FSHR: variants seen among roughly 807,000 people sequenced by gnomAD.
FSHR encodes follicle-stimulating hormone receptor.
In FSHR, 46 loss-of-function variants were observed where a neutral mutation model predicts 52.1. That is an observed-to-expected ratio of 0.88 (90% CI 0.70 to 1.13). The LOEUF is 1.13. Ranked by LOEUF, FSHR falls within the 50% of genes most tolerant of loss-of-function variation. The pLI, the probability that FSHR is intolerant of heterozygous loss-of-function variation, is 0.00. For synonymous variants in FSHR, 399 were observed against 309.6 expected (o/e 1.29, Z -3.03); for missense variants, 964 against 834.6 (o/e 1.16, Z -1.91).
At position 48,988,961 on chromosome 2, in the gene FSHR, T is replaced by C. The variant is rs914195451; in HGVS notation, c.524+16A>G. The C allele has an allele frequency of 5.0e-6, 8 of 1,606,112 alleles. No individual in the cohort carries two copies. Among genetic ancestry groups the C allele is most frequent in the Non-Finnish European group, 5.1e-6 (6 of 1,172,848 alleles). On this transcript the variant is annotated intron_variant, in intron 6 of 9. Transcript: ENST00000406846. Reference sequence around the variant, plus strand: ...AATCAAATGTTACTCTGTTGGATTTTTTCCCCCTTACTTACAGAATCACAC... The same window carrying C: ...AATCAAATGTTACTCTGTTGGATTTCTTCCCCCTTACTTACAGAATCACAC...
intron 5 of FSHR, among the ~76,000 whole-genome samples, chr2:48,990,288 C>A (rs991958764): frequency 6.6e-6 from 1 of 151,998 alleles, no homozygotes; most frequent in Non-Finnish European, 1.5e-5. Flanking sequence ...GTAATTAAAG[C>A]GCTAAATAGT....
chr2:48,975,981 T>C (rs1306708028), intron 8 of FSHR, among the ~76,000 whole-genome samples: 2 of 152,230 alleles, frequency 1.3e-5, no homozygotes, highest in Admixed American at 1.3e-4. Context: ...TTTTATTTCT[T>C]TCTCTTGCCT....
chr2:49,016,434 C>G (rs901111082), intron 4 of FSHR, among the ~76,000 whole-genome samples: 7 of 152,104 alleles, frequency 4.6e-5, no homozygotes, highest in African/African-American at 1.7e-4. Context: ...CCTTAAGATG[C>G]TTGCAGTCTT....
intron 2 of FSHR, among the ~76,000 whole-genome samples, chr2:49,021,797 C>T (rs1467102670): frequency 6.8e-6 from 1 of 146,068 alleles, no homozygotes; most frequent in Non-Finnish European, 1.5e-5. Context: ...TCACCATTTG[C>T]ACAGTTGAAC....
At chr2:49,007,265 G>A (rs1319505550) in intron 4 of FSHR, among the ~76,000 whole-genome samples, 8 of 152,116 alleles carry the variant, frequency 5.3e-5, no homozygotes, top group Admixed American at 5.2e-4. Context: ...CCTCCTGTCA[G>A]AAGAGCCCTA....
chr2:48,976,054 G>A (rs1674973269), intron 8 of FSHR, among the ~76,000 whole-genome samples: 1 of 152,282 alleles, frequency 6.6e-6, no homozygotes, highest in African/African-American at 2.4e-5. Flanking sequence ...GGGCATCTTT[G>A]TCTTGTGCCA....
intron 2 of FSHR, among the ~76,000 whole-genome samples, chr2:49,040,436 G>C (rs1668442461): frequency 1.3e-5 from 2 of 152,104 alleles, no homozygotes; most frequent in Admixed American, 6.5e-5. Flanking sequence ...TTTAAAAAAA[G>C]GTCTATTGTT....
intron 9 of FSHR, 40 bp downstream of exon 9, chr2:48,968,658 T>C (rs542800285): frequency 1.1e-4 from 175 of 1,604,906 alleles, no homozygotes; most frequent in Middle Eastern, 5.0e-4. Context: ...AAGTTCTACA[T>C]TGGGGAAATG....
intron 2 of FSHR, among the ~76,000 whole-genome samples, chr2:49,044,925 T>C (rs943015840): frequency 6.6e-6 from 1 of 152,158 alleles, no homozygotes; most frequent in Admixed American, 6.5e-5. Context: ...GAAACAGTTG[T>C]ATGTGAATTG....
intron 4 of FSHR, among the ~76,000 whole-genome samples, chr2:48,991,718 G>A (rs1675790148): frequency 6.6e-6 from 1 of 152,122 alleles, no homozygotes; most frequent in Admixed American, 6.5e-5. Context: ...GTTTTTAGAG[G>A]CACATACGAA....
intron 2 of FSHR, among the ~76,000 whole-genome samples, chr2:49,046,485 T>A (rs1668659574): frequency 1.3e-5 from 2 of 152,206 alleles, no homozygotes; most frequent in Non-Finnish European, 1.5e-5. Context: ...GTTCTCACTA[T>A]AAAATTAGAA....
chr2:49,083,490 A>G (rs1300824299), intron 1 of FSHR, among the ~76,000 whole-genome samples: 1 of 147,956 alleles, frequency 6.8e-6, no homozygotes, highest in African/African-American at 2.5e-5. Context: ...ATTCACACAT[A>G]ACAATATTAA....
intron 4 of FSHR, among the ~76,000 whole-genome samples, chr2:48,999,628 A>G (rs1676169312): frequency 6.6e-6 from 1 of 152,100 alleles, no homozygotes; most frequent in Non-Finnish European, 1.5e-5. Flanking sequence ...GAAACTGAGC[A>G]TTTCTCTAGA....
At chr2:49,130,156 G>C (rs1300090051) in intron 1 of FSHR, among the ~76,000 whole-genome samples, 1 of 152,140 alleles carries the variant, frequency 6.6e-6, no homozygotes, top group African/African-American at 2.4e-5. Flanking sequence ...CTTTTTCTGA[G>C]AAAGAGGATA....
rs374361630 is a variant in FSHR, at chr2:49,018,103, G to T, written c.300-540C>A. 1.6e-3 allele frequency among the ~76,000 whole-genome samples: 237 copies of T among 152,294 alleles called. 5 individuals are homozygous for T. The South Asian group carries it at 0.037, about 24-fold the overall frequency. On this transcript the variant is annotated intron_variant, in intron 3 of 9. Transcript: ENST00000406846. ...AAGAGAGTGAAATGGCAAAGAAAAAGAAAGTTGGGAGAAAAACAATCGATA... is the reference window on the plus strand; with the variant it reads ...AAGAGAGTGAAATGGCAAAGAAAAATAAAGTTGGGAGAAAAACAATCGATA...
intron 1 of FSHR, among the ~76,000 whole-genome samples, chr2:49,073,147 A>G (rs901537864): frequency 6.6e-6 from 1 of 152,108 alleles, no homozygotes; most frequent in Non-Finnish European, 1.5e-5. Context: ...GAGAACTAGA[A>G]CACGACAAGG....
chr2:49,025,011 G>A (rs1358732309), intron 2 of FSHR, among the ~76,000 whole-genome samples: 1 of 152,112 alleles, frequency 6.6e-6, no homozygotes, highest in Non-Finnish European at 1.5e-5. Context: ...TAATATTCCT[G>A]CTCCCAGTCA....
intron 1 of FSHR, among the ~76,000 whole-genome samples, chr2:49,070,770 T>C (rs577256922): frequency 6.6e-6 from 1 of 152,334 alleles, no homozygotes; most frequent in Admixed American, 6.5e-5. Flanking sequence ...TTCACTGACC[T>C]CTATTTCCTG....
intron 1 of FSHR, among the ~76,000 whole-genome samples, chr2:49,140,113 G>C (rs1046113583): frequency 6.6e-6 from 1 of 152,134 alleles, no homozygotes; most frequent in African/African-American, 2.4e-5. Flanking sequence ...ATCTGACGTA[G>C]TTTGGACATT....
Sources: allele counts gnomAD v4.1 joint callset (sites outside exome capture counted in the v4.1 genomes callset), GRCh38; gene constraint gnomAD v4.1.1; transcripts MANE v1.5; gene names NCBI Gene and HGNC (gene_info 2026-07-23, HGNC 2026-07-21).